The following FBN2 variants were observed in gnomAD, a reference collection of about 807,000 sequenced individuals.
FBN2 encodes the protein fibrillin 2.
Under a neutral mutation model 355.6 loss-of-function variants are expected in FBN2, and 105 were observed. That is an observed-to-expected ratio of 0.30 (90% confidence interval 0.25 to 0.35). FBN2 has a LOEUF of 0.35. FBN2 is among the 10% of genes least tolerant of loss of function. The pLI is 1.00. For missense variants in FBN2, 3,280 were observed against 3,758.7 expected (o/e 0.87, Z 3.33); for synonymous variants, 1,350 against 1,301.2 (o/e 1.04, Z -0.81).
At chr5:128,335,867 T>C in intron 28 of FBN2, 121 bp downstream of exon 28, 1 of 1,047,580 alleles carries the variant, frequency 9.5e-7, no homozygotes, top group South Asian at 1.3e-5. Flanking sequence ...GATCTGCCCC[T>C]AGTCTTACAT....
chr5:128,428,782 C>T (rs1441439260), intron 7 of FBN2, among the ~76,000 whole-genome samples: 4 of 152,180 alleles, frequency 2.6e-5, no homozygotes, highest in Middle Eastern at 3.2e-3. Flanking sequence ...AGAACAGTGA[C>T]GGAACTCCGT....
At chr5:128,460,234 C>T (rs560789530) in intron 6 of FBN2, among the ~76,000 whole-genome samples, 2 of 152,146 alleles carry the variant, frequency 1.3e-5, no homozygotes, top group South Asian at 2.1e-4. Context: ...AGAGTCAAAT[C>T]GTGAGAGAAC....
intron 5 of FBN2, among the ~76,000 whole-genome samples, chr5:128,506,064 G>T (rs943431853): frequency 3.3e-5 from 5 of 152,152 alleles, no homozygotes; most frequent in Non-Finnish European, 7.4e-5. Flanking sequence ...TTCAAAAATG[G>T]TTGTACCATG....
intron 7 of FBN2, among the ~76,000 whole-genome samples, chr5:128,413,429 G>A (rs979714637): frequency 6.6e-6 from 1 of 152,148 alleles, no homozygotes; most frequent in African/African-American, 2.4e-5. Flanking sequence ...GGATTGTCAA[G>A]TGTGACTTCA....
rs373752291 is a variant in FBN2, at chr5:128,507,700, T to C, written c.628+11573A>G. Among the ~76,000 whole-genome samples the C allele has an allele frequency of 3.2e-4, 49 of 152,196 alleles. No homozygotes were observed. The South Asian group carries it at 9.3e-3, about 29-fold the overall frequency. On this transcript the variant is annotated intron_variant, in intron 5 of 64. Coordinates refer to ENST00000262464, the MANE Select transcript of FBN2 (RefSeq NM_001999.4). Reference sequence around the variant, plus strand: ...TTATCTACTTAATATCCATTTAATATGATCTTTCTTGCTACATGTTCCATG... The same window carrying C: ...TTATCTACTTAATATCCATTTAATACGATCTTTCTTGCTACATGTTCCATG...
chr5:128,361,910 C>A, intron 18 of FBN2, 62 bp from the exon 19 acceptor site: 1 of 1,514,508 alleles, frequency 6.6e-7, no homozygotes, highest in Admixed American at 1.7e-5. Flanking sequence ...CAGTGGGCAG[C>A]AATGTTTAAT....
intron 34 of FBN2, among the ~76,000 whole-genome samples, chr5:128,319,899 T>C (rs911699746): frequency 2.0e-5 from 3 of 152,222 alleles, no homozygotes; most frequent in Admixed American, 6.5e-5. Flanking sequence ...ACTCTGAGAA[T>C]GCAGACCAGG....
At chr5:128,426,459 G>A (rs79111867) in intron 7 of FBN2, among the ~76,000 whole-genome samples, 93 of 152,248 alleles carry the variant, frequency 6.1e-4, no homozygotes, top group African/African-American at 2.1e-3. Context: ...AGAATATATG[G>A]TAAATGGGTA....
intron 34 of FBN2, 152 bp downstream of exon 34, chr5:128,328,544 G>A (rs1373271194): frequency 1.4e-5 from 12 of 838,122 alleles, no homozygotes; most frequent in African/African-American, 8.4e-5. Flanking sequence ...TTATTCATTC[G>A]GCAAAATAAT....
intron 6 of FBN2, among the ~76,000 whole-genome samples, chr5:128,447,443 C>T (rs929629250): frequency 5.3e-5 from 8 of 152,048 alleles, no homozygotes; most frequent in Admixed American, 3.3e-4. Context: ...TGAAATAAGC[C>T]CCGGTCTCCC....
chr5:128,320,624 T>C lies in FBN2; in HGVS notation c.4472-1623A>G, dbSNP rs373189236. 8.5e-4 allele frequency among the ~76,000 whole-genome samples: 129 copies of C among 152,278 alleles called. 2 individuals are homozygous for C. The highest frequency in any genetic ancestry group is 6.8e-3 in the Middle Eastern group (2 of 294). On this transcript the variant is annotated intron_variant, in intron 34 of 64. Coordinates refer to ENST00000262464, the MANE Select transcript of FBN2 (RefSeq NM_001999.4). ...TACTGTCTTTCCTTTATAAAAGTGA[T>C]AAATATTCAAAAATTCAAATAATAC...
intron 11 of FBN2, among the ~76,000 whole-genome samples, chr5:128,386,289 T>C (rs1752364239): frequency 6.6e-6 from 1 of 152,014 alleles, no homozygotes; most frequent in South Asian, 2.1e-4. Flanking sequence ...GCCCTTTCTT[T>C]GTTGCTTGTT....
chr5:128,391,221 C>T (rs1330343340), intron 11 of FBN2, among the ~76,000 whole-genome samples: 1 of 152,220 alleles, frequency 6.6e-6, no homozygotes, highest in South Asian at 2.1e-4. Flanking sequence ...ATCTGAAAGT[C>T]TATGCAATAT....
chr5:128,382,963 C>G (rs1203239226), intron 11 of FBN2, among the ~76,000 whole-genome samples: 1 of 151,958 alleles, frequency 6.6e-6, no homozygotes, highest in Non-Finnish European at 1.5e-5. Flanking sequence ...TTCCTCAAAA[C>G]ACAAACAAAT....
chr5:128,377,793 T>C lies in FBN2; in HGVS notation c.1808A>G (p.Asn603Ser), dbSNP rs865889996. The change falls in exon 13 of 65, where the codon AAT becomes AGT. Residue 603 changes from asparagine (N) to serine (S), a missense_variant. By Grantham distance (46) the Asn-to-Ser change is conservative. This residue lies in a region of FBN2 where 2,284 missense variants were observed against 2,749.5 expected (regional missense o/e 0.83). Coordinates refer to ENST00000262464, the MANE Select transcript of FBN2 (RefSeq NM_001999.4). ...NTDGSFQCIC[N>S]AGFELTTDGK... is the part of the protein sequence containing the mutation. ...ATCTGTAGTTAATTCAAAGCCGGCA[T>C]TGCAAATGCACTGGAAACTTCCATC... The C allele has an allele frequency of 3.1e-6, 5 of 1,613,420 alleles. No individual in the cohort carries two copies. The Middle Eastern group carries it at 6.6e-4, about 213-fold the overall frequency.
At chr5:128,408,408 T>C (rs767565854) in intron 8 of FBN2, among the ~76,000 whole-genome samples, 1 of 152,214 alleles carries the variant, frequency 6.6e-6, no homozygotes, top group Non-Finnish European at 1.5e-5. Context: ...AAGCAGATTT[T>C]AAAAAATTTT....
intron 18 of FBN2, among the ~76,000 whole-genome samples, chr5:128,362,360 A>G (rs1022897088): frequency 2.6e-5 from 4 of 152,204 alleles, no homozygotes; most frequent in Non-Finnish European, 5.9e-5. Context: ...TTATCTCAGA[A>G]ACAGTTATTA....
At chr5:128,522,105 C>T (rs1391412318) in intron 4 of FBN2, among the ~76,000 whole-genome samples, 1 of 151,680 alleles carries the variant, frequency 6.6e-6, no homozygotes, top group Non-Finnish European at 1.5e-5. Flanking sequence ...CATTTGAGGA[C>T]CTCAATAATT....
At chr5:128,313,876 A>C (rs375389274) in intron 36 of FBN2, among the ~76,000 whole-genome samples, 3 of 149,966 alleles carry the variant, frequency 2.0e-5, no homozygotes, top group African/African-American at 7.4e-5. Context: ...AAAAAAAAAA[A>C]CATATCTGGA....
Sources: allele counts gnomAD v4.1 joint callset (sites outside exome capture counted in the v4.1 genomes callset), GRCh38; gene constraint gnomAD v4.1.1; regional missense constraint gnomAD v4.1.1; transcripts MANE v1.5; gene names NCBI Gene and HGNC (gene_info 2026-07-23, HGNC 2026-07-21).